Variants in MSN observed in about 807,000 individuals in gnomAD.
The protein encoded by MSN is epididymis luminal protein 70.
Under a neutral mutation model 48.0 loss-of-function variants are expected in MSN, and 2 were observed. The observed-to-expected ratio is 0.04, with a 90% CI of 0.02 to 0.13. The LOEUF is 0.13. Among genes scored for constraint, MSN ranks in the 10% least tolerant of loss-of-function variants. MSN has a pLI of 1.00. For missense variants in MSN, 267 were observed against 470.1 expected (o/e 0.57, Z 3.99); for synonymous variants, 146 against 166.9 (o/e 0.87, Z 0.97).
intron 2 of MSN, among the ~76,000 whole-genome samples, chrX:65,720,120 A>C (rs1307640157): frequency 8.9e-6 from 1 of 111,915 alleles, no homozygotes; most frequent in Non-Finnish European, 1.9e-5. Flanking sequence ...CTTGAGAAGT[A>C]TCATTTATTG....
intron 1 of MSN, among the ~76,000 whole-genome samples, chrX:65,614,984 T>G (rs1381130531): frequency 1.0e-5 from 1 of 97,380 alleles, no homozygotes; most frequent in Admixed American, 1.2e-4. Context: ...GATAGTTTAC[T>G]GAGAATGATG....
chrX:65,734,578 G>GT (rs2071656032), intron 7 of MSN, among the ~76,000 whole-genome samples: 1 of 111,715 alleles, frequency 9.0e-6, no homozygotes, highest in African/African-American at 3.3e-5. Flanking sequence ...CGGTCCAGTG[G>GT]TATTTGTAGT....
chrX:65,696,316 C>T (rs939973689), intron 1 of MSN, among the ~76,000 whole-genome samples: 6 of 111,441 alleles, frequency 5.4e-5, no homozygotes, highest in Non-Finnish European at 3.8e-5. Context: ...TATGTAGAAC[C>T]TGTATGTGTA....
At chrX:65,642,074 C>T (rs1374502747) in intron 1 of MSN, among the ~76,000 whole-genome samples, 8 of 88,430 alleles carry the variant, frequency 9.0e-5, no homozygotes, top group South Asian at 6.8e-4. Flanking sequence ...GCGGAGGTTG[C>T]GGTGAGCCGA....
chrX:65,612,388 C>G (rs912638828), intron 1 of MSN, among the ~76,000 whole-genome samples: 1 of 111,011 alleles, frequency 9.0e-6, no homozygotes. Flanking sequence ...ATTACCTACT[C>G]TCGGGTATTC....
At chrX:65,638,801 G>T (rs890149032) in intron 1 of MSN, among the ~76,000 whole-genome samples, 1 of 112,233 alleles carries the variant, frequency 8.9e-6, no homozygotes, top group Admixed American at 9.4e-5. Flanking sequence ...TGATCCACCC[G>T]CCTCAGCCTC....
intron 1 of MSN, among the ~76,000 whole-genome samples, chrX:65,609,773 C>T (rs1486399409): frequency 9.0e-6 from 1 of 111,036 alleles, no homozygotes; most frequent in African/African-American, 3.3e-5. Context: ...GTCCCAGCTA[C>T]CTGGGAGGTT....
At chrX:65,616,822 A>T (rs1390747106) in intron 1 of MSN, among the ~76,000 whole-genome samples, 1 of 109,968 alleles carries the variant, frequency 9.1e-6, no homozygotes, top group Non-Finnish European at 1.9e-5. Context: ...TTTCCCATTC[A>T]GTATGATATT....
At chrX:65,610,216 C>T (rs749860577) in intron 1 of MSN, among the ~76,000 whole-genome samples, 1 of 111,848 alleles carries the variant, frequency 8.9e-6, no homozygotes, top group Non-Finnish European at 1.9e-5. Flanking sequence ...ACGTTTTCAT[C>T]AACCCAAACG....
intron 1 of MSN, among the ~76,000 whole-genome samples, chrX:65,681,520 A>T (rs1222171149): frequency 8.9e-6 from 1 of 112,074 alleles, no homozygotes; most frequent in Admixed American, 9.4e-5. Context: ...AGTAATAGAG[A>T]AAATACACCT....
intron 2 of MSN, among the ~76,000 whole-genome samples, chrX:65,720,291 A>G (rs1405714263): frequency 8.9e-6 from 1 of 112,069 alleles, no homozygotes; most frequent in Non-Finnish European, 1.9e-5. Context: ...CCTGCACTGC[A>G]CTACTCTGTT....
chrX:65,627,367 A>G (rs964160003), intron 1 of MSN, among the ~76,000 whole-genome samples: 14 of 109,554 alleles, frequency 1.3e-4, no homozygotes, highest in Non-Finnish European at 2.1e-4. Flanking sequence ...AAAGAGGTTT[A>G]ATTGGACTTA....
At chrX:65,635,754 T>C (rs2070593603) in intron 1 of MSN, among the ~76,000 whole-genome samples, 1 of 111,771 alleles carries the variant, frequency 8.9e-6, no homozygotes, top group Admixed American at 9.5e-5. Flanking sequence ...TGTCCCCAGA[T>C]TGGGACATCA....
intron 1 of MSN, among the ~76,000 whole-genome samples, chrX:65,653,394 G>A (rs1250411620): frequency 9.0e-6 from 1 of 111,115 alleles, no homozygotes; most frequent in Non-Finnish European, 1.9e-5. Context: ...GTGTGAAGTA[G>A]GGGGAAGTCT....
At chrX:65,600,399 G>A (rs2070225225) in intron 1 of MSN, among the ~76,000 whole-genome samples, 2 of 111,620 alleles carry the variant, frequency 1.8e-5, no homozygotes, top group Admixed American at 9.5e-5. Context: ...TAAACTGATC[G>A]GCTAAAGGAA....
At chrX:65,731,722 C>G in intron 5 of MSN, 116 bp from the exon 6 acceptor site, 2 of 895,324 alleles carry the variant, frequency 2.2e-6, no homozygotes, top group African/African-American at 2.0e-5. Flanking sequence ...CTTTTGTCCC[C>G]TTTCCCACTC....
At chrX:65,701,799 T>C (rs1486746584) in intron 1 of MSN, among the ~76,000 whole-genome samples, 1 of 111,867 alleles carries the variant, frequency 8.9e-6, no homozygotes, top group Non-Finnish European at 1.9e-5. Flanking sequence ...CAAAGCTATG[T>C]TCCTCTTACT....
At chrX:65,708,560 G>A (rs767941780) in intron 1 of MSN, among the ~76,000 whole-genome samples, 19 of 110,958 alleles carry the variant, frequency 1.7e-4, no homozygotes, top group East Asian at 2.8e-4. Flanking sequence ...CTCAAAGTGC[G>A]GGGATTACAG....
intron 1 of MSN, among the ~76,000 whole-genome samples, chrX:65,661,832 C>A (rs933297154): frequency 8.0e-5 from 9 of 112,034 alleles, no homozygotes; most frequent in Non-Finnish European, 3.8e-5. Flanking sequence ...CCTGCCTGGC[C>A]AACATGGCCC....
Sources: gnomAD v4.1 joint callset for allele counts (sites outside exome capture counted in the v4.1 genomes callset) on GRCh38, gnomAD v4.1.1 for gene constraint, MANE v1.5 for transcripts, NCBI Gene and HGNC (gene_info 2026-07-23, HGNC 2026-07-21) for gene names.